The following SEMA3C variants were observed in gnomAD, a reference collection of about 807,000 sequenced individuals.
The protein encoded by SEMA3C is semaphorin 3C.
A neutral mutation model predicts 89.4 loss-of-function variants in SEMA3C; 47 were observed. The observed-to-expected ratio is 0.53, with a 90% confidence interval of 0.42 to 0.67. The LOEUF (loss-of-function observed/expected upper bound fraction) is 0.67, where lower values mean the gene tolerates loss of function less well. SEMA3C is among the 30% of genes least tolerant of loss of function. The pLI is 0.00. For synonymous variants in SEMA3C, 310 were observed against 320.2 expected (o/e 0.97, Z 0.34); for missense variants, 839 against 929.1 (o/e 0.90, Z 1.26).
intron 6 of SEMA3C, among the ~76,000 whole-genome samples, chr7:80,807,274 T>C (rs1363218010): frequency 6.6e-6 from 1 of 152,136 alleles, no homozygotes; most frequent in Admixed American, 6.5e-5. Flanking sequence ...AATTGTCATA[T>C]CTGTTTTCAA....
intron 1 of SEMA3C, among the ~76,000 whole-genome samples, chr7:80,917,534 G>C (rs955688515): frequency 6.6e-6 from 1 of 152,126 alleles, no homozygotes; most frequent in Admixed American, 6.5e-5. Flanking sequence ...ACCAGAATGT[G>C]GGCTGTCAAA....
intron 12 of SEMA3C, among the ~76,000 whole-genome samples, chr7:80,776,234 C>G (rs916029066): frequency 4.6e-5 from 7 of 151,030 alleles, no homozygotes; most frequent in Non-Finnish European, 1.0e-4. Flanking sequence ...CATTAACAGA[C>G]CAGTTAATGG....
At chr7:80,799,652 A>C (rs1436549732) in intron 10 of SEMA3C, among the ~76,000 whole-genome samples, 1 of 150,646 alleles carries the variant, frequency 6.6e-6, no homozygotes, top group African/African-American at 2.4e-5. Flanking sequence ...GACCAGCCTG[A>C]CCAACATGGT....
rs1203668686 is a variant in SEMA3C at position 80,745,090 on chromosome 7, G to C, written c.2060C>G (p.Pro687Arg). 1 of 1,614,020 alleles carries C rather than the reference G, an allele frequency of 6.2e-7. No homozygotes were observed. Among genetic ancestry groups the C allele is most frequent in the Non-Finnish European group, 8.5e-7 (1 of 1,179,974 alleles). ...WTWASSVRALPFHPKDIMGAF... is the reference protein window; with the variant it reads ...WTWASSVRALRFHPKDIMGAF... ...CCCCATGATGTCCTTCGGGTGGAAG[G>C]GTAAAGCCCTCACAGAGCTGGCCCA... The change falls in exon 18 of 18, where the codon CCC becomes CGC. Residue 687 changes from proline (P) to arginine (R), a missense_variant. Physicochemically the swap from Pro to Arg is moderately radical, Grantham distance 103. Transcript: ENST00000265361.
rs143365687 is a variant in SEMA3C at position 80,804,146 on chromosome 7, C to T, written c.761G>A (p.Ser254Asn). ...FKEKLTDNNR[S>N]TKQIHSMIAR... ...AATCATGGAATGAATCTGTTTCGTG[C>T]TCCTGTTATTGTCAGTCAGTTTTTC... Residue 254 changes from serine to asparagine, a missense_variant, in exon 8 of 18, where the codon AGC (serine) becomes AAC (asparagine). By Grantham distance (46) the Ser-to-Asn change is conservative (BLOSUM62 1). Transcript: ENST00000265361. 8.2e-5 allele frequency: 133 copies of T among 1,612,694 alleles called. No individual in the cohort carries two copies. Among genetic ancestry groups the T allele is most frequent in the Non-Finnish European group, 1.0e-4 (122 of 1,179,184 alleles).
At chr7:80,775,230 G>A (rs1788520638) in intron 12 of SEMA3C, among the ~76,000 whole-genome samples, 1 of 151,996 alleles carries the variant, frequency 6.6e-6, no homozygotes, top group East Asian at 1.9e-4. Context: ...AAGGGAATTG[G>A]TACAAAATGG....
At chr7:80,895,742 A>C (rs552131497) in intron 2 of SEMA3C, among the ~76,000 whole-genome samples, 1 of 152,296 alleles carries the variant, frequency 6.6e-6, no homozygotes, top group African/African-American at 2.4e-5. Context: ...GCCTTAAAAA[A>C]TCTTGTTAAA....
chr7:80,761,487 G>T, intron 14 of SEMA3C, 129 bp downstream of exon 14: 1 of 483,806 alleles, frequency 2.1e-6, no homozygotes. Context: ...GTGACTTTGC[G>T]GTATACTTTA....
At chr7:80,763,835 T>A (rs1415867717) in intron 13 of SEMA3C, among the ~76,000 whole-genome samples, 1 of 152,164 alleles carries the variant, frequency 6.6e-6, no homozygotes, top group Non-Finnish European at 1.5e-5. Context: ...TGATTCTGGT[T>A]AATCTAGTGA....
intron 2 of SEMA3C, among the ~76,000 whole-genome samples, chr7:80,888,535 C>T (rs888880456): frequency 6.6e-6 from 1 of 151,976 alleles, no homozygotes; most frequent in East Asian, 1.9e-4. Flanking sequence ...AACATTAAGT[C>T]CAATAATAAT....
At chr7:80,885,273 CCT>C (rs1340303545) in intron 2 of SEMA3C, among the ~76,000 whole-genome samples, 2 of 152,044 alleles carry the variant, frequency 1.3e-5, no homozygotes, top group African/African-American at 2.4e-5. Context: ...ACATTTTCCC[CCT>C]CTTTTATCCC....
chr7:80,844,626 G>A (rs1324404665), intron 2 of SEMA3C, among the ~76,000 whole-genome samples: 1 of 152,088 alleles, frequency 6.6e-6, no homozygotes, highest in Non-Finnish European at 1.5e-5. Flanking sequence ...AATATTGACT[G>A]TGATCATTAT....
At chr7:80,796,019 T>A (rs1200856372) in intron 11 of SEMA3C, among the ~76,000 whole-genome samples, 1 of 152,206 alleles carries the variant, frequency 6.6e-6, no homozygotes, top group African/African-American at 2.4e-5. Flanking sequence ...TTTTATCTTT[T>A]TAATATCTTT....
intron 2 of SEMA3C, among the ~76,000 whole-genome samples, chr7:80,854,518 G>T (rs1790588753): frequency 6.6e-6 from 1 of 152,218 alleles, no homozygotes; most frequent in Non-Finnish European, 1.5e-5. Flanking sequence ...CTTCTTAGTT[G>T]TTAGATCCTG....
At chr7:80,869,677 T>C (rs1287825899) in intron 2 of SEMA3C, among the ~76,000 whole-genome samples, 2 of 152,200 alleles carry the variant, frequency 1.3e-5, no homozygotes, top group African/African-American at 4.8e-5. Context: ...TGTCAGTGTT[T>C]AGAATTATAA....
chr7:80,907,596 A>G (rs188329724), intron 2 of SEMA3C, among the ~76,000 whole-genome samples: 103 of 152,176 alleles, frequency 6.8e-4, no homozygotes, highest in African/African-American at 2.2e-3. Flanking sequence ...GGGTGGTTCT[A>G]TTTAATGTCA....
At chr7:80,788,023 T>A (rs1394812048) in intron 12 of SEMA3C, among the ~76,000 whole-genome samples, 2 of 152,096 alleles carry the variant, frequency 1.3e-5, no homozygotes, top group Non-Finnish European at 2.9e-5. Flanking sequence ...AAATGAAACA[T>A]TCAGATATGG....
intron 2 of SEMA3C, among the ~76,000 whole-genome samples, chr7:80,902,792 C>T (rs550325791): frequency 2.6e-5 from 4 of 152,144 alleles, no homozygotes; most frequent in Non-Finnish European, 5.9e-5. Flanking sequence ...TTTCTAGAGG[C>T]CCATGGGTAT....
At chr7:80,864,939 C>T (rs1790890026) in intron 2 of SEMA3C, among the ~76,000 whole-genome samples, 1 of 152,160 alleles carries the variant, frequency 6.6e-6, no homozygotes, top group African/African-American at 2.4e-5. Flanking sequence ...TTCACTTCCT[C>T]TCATTGTTTT....
Sources: allele counts gnomAD v4.1 joint callset (sites outside exome capture counted in the v4.1 genomes callset), GRCh38; gene constraint gnomAD v4.1.1; transcripts MANE v1.5; gene names NCBI Gene and HGNC (gene_info 2026-07-23, HGNC 2026-07-21).